UBR3: variants seen among roughly 807,000 people sequenced by gnomAD.
UBR3 encodes the protein E3 ubiquitin-protein ligase UBR3.
UBR3 carries 85 observed loss-of-function variants against 243.2 expected under a neutral mutation model. The observed-to-expected ratio is 0.35, with a 90% CI of 0.29 to 0.42. The LOEUF is 0.42. Among genes scored for constraint, UBR3 ranks in the 10% least tolerant of loss-of-function variants. The pLI is 1.00. For synonymous variants in UBR3, 748 were observed against 799.8 expected (o/e 0.94, Z 1.09); for missense variants, 1,686 against 2,300.8 (o/e 0.73, Z 5.47).
At position 169,896,850 on chromosome 2, in the gene UBR3, T is replaced by C. The variant is rs1312410894; in HGVS notation, c.1465+115T>C. 2.4e-5 allele frequency: 17 copies of C among 714,500 alleles called. No individual in the cohort carries two copies. The South Asian group carries it at 6.5e-4, about 27-fold the overall frequency. 44.3% of individuals were successfully genotyped at this position (714,500 alleles called of 1,614,324 possible). A position where few individuals can be genotyped will look rare whatever the true frequency, so the allele number is the denominator to read the frequency against. The stretch of plus-strand genomic sequence containing the variant: ...TAATAATGATACTTAGTATTATTAA[T>C]CATATTCTAGTATTAGTGAACTTTG... On this transcript the variant is annotated intron_variant, in intron 8 of 38. Transcript: ENST00000272793.
chr2:169,854,577 T>A (rs4668174), intron 1 of UBR3, among the ~76,000 whole-genome samples: 8,690 of 152,174 alleles, frequency 0.057, 457 homozygotes, highest in African/African-American at 0.14. Context: ...AATCTTAAGT[T>A]TTTTTAATAT....
chr2:169,982,390 T>C (rs980990808), intron 24 of UBR3, among the ~76,000 whole-genome samples: 4 of 152,018 alleles, frequency 2.6e-5, no homozygotes, highest in African/African-American at 9.7e-5. Flanking sequence ...TTTATAAATA[T>C]AAAGGTTAAG....
Position 169,890,571 on chromosome 2 carries a change from A to G in UBR3, c.1039-594A>G, listed in dbSNP as rs868243988. ...TATATATATATATATATATGTGTAT[A>G]TATATATATGTATATATATATGTAT... On this transcript the variant is annotated intron_variant, in intron 5 of 38. Transcript: ENST00000272793. Among the ~76,000 whole-genome samples the G allele has an allele frequency of 1.9e-3, 194 of 104,806 alleles. 2 individuals are homozygous for G. The highest frequency in any genetic ancestry group is 4.6e-3 in the Middle Eastern group (1 of 218). The allele number at this position is 104,806 out of a possible 152,430, so 68.8% of individuals were successfully genotyped here. A position where few individuals can be genotyped will look rare whatever the true frequency, so the allele number is the denominator to read the frequency against.
chr2:169,841,216 A>G (rs73022465), intron 1 of UBR3, among the ~76,000 whole-genome samples: 6,628 of 152,108 alleles, frequency 0.044, 166 homozygotes, highest in Middle Eastern at 0.068. Context: ...TCTTCACCTC[A>G]TTGTCTCTCC....
chr2:170,053,181 G>A (rs904245076), intron 32 of UBR3, among the ~76,000 whole-genome samples: 1 of 152,106 alleles, frequency 6.6e-6, no homozygotes, highest in African/African-American at 2.4e-5. Flanking sequence ...TTTCAGGAGG[G>A]GTCCCACCAT....
chr2:170,031,557 G>T (rs149117935), intron 31 of UBR3, among the ~76,000 whole-genome samples: 51 of 151,978 alleles, frequency 3.4e-4, no homozygotes, highest in African/African-American at 1.2e-3. Flanking sequence ...AGATTCAGAG[G>T]GTACATGTGC....
chr2:169,935,773 A>T lies in UBR3; in HGVS notation c.2663+2765A>T, dbSNP rs116796474. On this transcript the variant is annotated intron_variant, in intron 19 of 38. Coordinates refer to ENST00000272793, the MANE Select transcript of UBR3 (RefSeq NM_172070.4). ...TGTCATGTAGCATTTCATTTGCATTATTCTATTAATGCTTTTGAAAAGAGC... is the reference window on the plus strand; with the variant it reads ...TGTCATGTAGCATTTCATTTGCATTTTTCTATTAATGCTTTTGAAAAGAGC... Among the ~76,000 whole-genome samples, 1,373 of 152,232 alleles carry T rather than the reference A, an allele frequency of 9.0e-3. 26 individuals carry two copies. The highest frequency in any genetic ancestry group is 0.031 in the African/African-American group (1,298 of 41,548).
intron 10 of UBR3, among the ~76,000 whole-genome samples, chr2:169,909,713 A>G (rs2085173779): frequency 6.7e-6 from 1 of 149,536 alleles, no homozygotes; most frequent in Non-Finnish European, 1.5e-5. Flanking sequence ...AGCTTGATAT[A>G]CCCATCCCAC....
chr2:169,888,954 T>C (rs2084219436), intron 5 of UBR3, among the ~76,000 whole-genome samples: 1 of 152,146 alleles, frequency 6.6e-6, no homozygotes, highest in Admixed American at 6.5e-5. Context: ...TTGTGATGAA[T>C]AGGTATGCAT....
intron 31 of UBR3, among the ~76,000 whole-genome samples, chr2:170,034,132 C>T (rs973874432): frequency 6.6e-6 from 1 of 151,860 alleles, no homozygotes; most frequent in African/African-American, 2.4e-5. Context: ...TCAATATCCA[C>T]CACCAGTGTG....
At chr2:169,876,089 T>A in intron 3 of UBR3, 140 bp downstream of exon 3, 1 of 775,438 alleles carries the variant, frequency 1.3e-6, no homozygotes, top group African/African-American at 1.8e-5. Context: ...AACTTCTTTT[T>A]TTTTTTTTTT....
At chr2:170,055,953 G>A (rs1164230411) in intron 33 of UBR3, among the ~76,000 whole-genome samples, 7 of 148,058 alleles carry the variant, frequency 4.7e-5, no homozygotes, top group African/African-American at 1.5e-4. Context: ...ACAATCCAAA[G>A]ATAGCTTTTG....
chr2:169,877,716 A>T, intron 4 of UBR3, 79 bp downstream of exon 4: 1 of 1,357,270 alleles, frequency 7.4e-7, no homozygotes, highest in Non-Finnish European at 9.9e-7. Flanking sequence ...TTTACTCATT[A>T]TTGAAAAAAA....
chr2:170,005,182 C>T (rs1340779622), intron 27 of UBR3, among the ~76,000 whole-genome samples: 2 of 152,168 alleles, frequency 1.3e-5, no homozygotes, highest in African/African-American at 4.8e-5. Flanking sequence ...TGAGATCGCG[C>T]CACTGCACTC....
At chr2:169,955,749 G>A (rs987444285) in intron 23 of UBR3, among the ~76,000 whole-genome samples, 10 of 125,916 alleles carry the variant, frequency 7.9e-5, no homozygotes, top group Admixed American at 3.0e-4. Context: ...ACCTTAGATC[G>A]TGCCACTGCA....
At chr2:169,920,382 G>A (rs1253820992) in intron 11 of UBR3, among the ~76,000 whole-genome samples, 3 of 151,924 alleles carry the variant, frequency 2.0e-5, no homozygotes, top group Non-Finnish European at 4.4e-5. Context: ...AGAGTTAATG[G>A]GTGCAGCACA....
At chr2:169,895,447 A>G (rs2084545578) in intron 7 of UBR3, 136 bp downstream of exon 7, 2 of 1,001,578 alleles carry the variant, frequency 2.0e-6, no homozygotes, top group African/African-American at 1.7e-5. Context: ...TTCTCTTGAT[A>G]ACACAAGTTC....
At chr2:170,012,569 A>G (rs1176410531) in intron 29 of UBR3, among the ~76,000 whole-genome samples, 2 of 152,130 alleles carry the variant, frequency 1.3e-5, no homozygotes, top group Non-Finnish European at 2.9e-5. Context: ...TGAAATATAA[A>G]ATATGTGTAA....
intron 23 of UBR3, among the ~76,000 whole-genome samples, chr2:169,954,228 C>CTTGTCTTGTCTTGTCTTGTCTTGTCTTG (rs1559129703): frequency 1.8e-5 from 2 of 110,308 alleles, no homozygotes; most frequent in African/African-American, 8.9e-5. Flanking sequence ...GTCTTGTCTT[C>CTTGTCTTGTCTTGTCTTGTCTTGTCTTG]TCTTCTTAAT....
Sources: allele counts gnomAD v4.1 joint callset (sites outside exome capture counted in the v4.1 genomes callset), GRCh38; gene constraint gnomAD v4.1.1; transcripts MANE v1.5; gene names NCBI Gene and HGNC (gene_info 2026-07-23, HGNC 2026-07-21).